The following DIS3 variants were observed in gnomAD, a reference collection of about 807,000 sequenced individuals.
The protein encoded by DIS3 is DIS3 exosome endoribonuclease and 3'-5' exoribonuclease.
Under a neutral mutation model 113.0 loss-of-function variants are expected in DIS3, and 103 were observed. The ratio of observed to expected loss-of-function variants is 0.91; its 90% CI spans 0.78 to 1.07. DIS3 has a LOEUF of 1.07. DIS3 is among the 50% of genes least tolerant of loss of function. The pLI is 0.00. For synonymous variants in DIS3, 402 were observed against 394.3 expected (o/e 1.02, Z -0.23); for missense variants, 1,121 against 1,167.1 (o/e 0.96, Z 0.58).
rs2033552068 is a variant in DIS3, at chr13:72,758,610, A to G, written c.*1185T>C. On this transcript the variant is annotated 3_prime_UTR_variant, in exon 21 of 21. Coordinates refer to ENST00000377767, the MANE Select transcript of DIS3 (RefSeq NM_014953.5). ...CCTGGACCAAAGACTACTCAAGTCTATTTTCCTCCAACTGACACAAGTTTC... is the reference window on the plus strand; with the variant it reads ...CCTGGACCAAAGACTACTCAAGTCTGTTTTCCTCCAACTGACACAAGTTTC... 1 of 219,850 alleles carries G rather than the reference A, an allele frequency of 4.5e-6. No homozygotes were observed. Among genetic ancestry groups the G allele is most frequent in the Non-Finnish European group, 9.1e-6 (1 of 109,546 alleles). 13.6% of individuals were successfully genotyped at this position (219,850 alleles called of 1,614,324 possible).
At chr13:72,763,661 A>C in intron 15 of DIS3, 54 bp from the exon 16 acceptor site, 2 of 1,519,610 alleles carry the variant, frequency 1.3e-6, no homozygotes, top group Non-Finnish European at 1.8e-6. Context: ...AGACTTCTAT[A>C]TATCATATTT....
intron 4 of DIS3, among the ~76,000 whole-genome samples, chr13:72,777,135 T>C (rs1378741023): frequency 3.3e-5 from 5 of 152,198 alleles, no homozygotes. Flanking sequence ...TACTCTTTAT[T>C]CACAAATCAG....
chr13:72,776,090 A>G lies in DIS3; in HGVS notation c.657T>C (p.Asn219=), dbSNP rs370081794. The G allele has an allele frequency of 6.9e-6, 11 of 1,590,988 alleles. No homozygotes were observed. Among genetic ancestry groups the G allele is most frequent in the Non-Finnish European group, 8.5e-7 (1 of 1,173,652 alleles). The change falls in exon 5 of 21, where the codon AAT becomes AAC. Residue 219 remains asparagine (N), a splice_region_variant and synonymous_variant. Transcript: ENST00000377767. ...ATATTATTTTTCCACTTTCTATTTC[A>G]TTCTATGAAAGAAGCAAACCAAAAG... ...DRLACLSEEG[N]EIESGKIIFS...
In DIS3 at chr13:72,758,553, C is replaced by T. The variant is rs764843291; in HGVS notation, c.*1242G>A. 3 of 217,582 alleles carry T rather than the reference C, an allele frequency of 1.4e-5. No homozygotes were observed. The highest frequency in any genetic ancestry group is 2.8e-5 in the Non-Finnish European group (3 of 108,150). The allele number at this position is 217,582 out of a possible 1,614,324, so 13.5% of individuals were successfully genotyped here. A position where few individuals can be genotyped will look rare whatever the true frequency, so the allele number is the denominator to read the frequency against. On this transcript the variant is annotated 3_prime_UTR_variant, in exon 21 of 21. Coordinates refer to ENST00000377767, the MANE Select transcript of DIS3 (RefSeq NM_014953.5). Reference sequence around the variant, plus strand: ...CACAGAAAAGGTTTTTTGACTCCTACTCTACTGTTTCAGTGTCACTGACCC... The same window carrying T: ...CACAGAAAAGGTTTTTTGACTCCTATTCTACTGTTTCAGTGTCACTGACCC...
chr13:72,757,800 T>C lies in DIS3; in HGVS notation c.*1995A>G, dbSNP rs188773355. The stretch of plus-strand genomic sequence containing the variant: ...AATGTTTTGTGACACATCAAAATTA[T>C]AATGATGTGCTGCATAACTTTTGGT... On this transcript the variant is annotated 3_prime_UTR_variant, in exon 21 of 21. Coordinates refer to ENST00000377767, the MANE Select transcript of DIS3 (RefSeq NM_014953.5). 4.5e-4 allele frequency: 94 copies of C among 206,808 alleles called. 1 individual carries two copies. In the East Asian group the frequency reaches 6.8e-3, roughly 15 times the overall value. The allele number at this position is 206,808 out of a possible 1,614,324, so 12.8% of individuals were successfully genotyped here.
At position 72,759,664 on chromosome 13, in the gene DIS3, G is replaced by C. The variant is rs2033577058; in HGVS notation, c.*131C>G. 3.0e-6 allele frequency: 2 copies of C among 661,428 alleles called. No individual in the cohort carries two copies. The highest frequency in any genetic ancestry group is 5.9e-5 in the Admixed American group (2 of 33,842). 41.0% of individuals were successfully genotyped at this position (661,428 alleles called of 1,614,324 possible). A position where few individuals can be genotyped will look rare whatever the true frequency, so the allele number is the denominator to read the frequency against. ...ATACAGTCAACTGTTCAATAAAAAT[G>C]CAGATGTCTGAAATTATTAAAATGT... is the stretch of plus-strand genomic sequence containing the variant. On this transcript the variant is annotated 3_prime_UTR_variant, in exon 21 of 21. Transcript: ENST00000377767.
At position 72,754,679 on chromosome 13, in the gene DIS3, A is replaced by G. The variant is rs2033395820; in HGVS notation, c.*5116T>C. 6.6e-6 allele frequency: 1 copy of G among 152,296 alleles called. No homozygotes were observed. Among genetic ancestry groups the G allele is most frequent in the African/African-American group, 2.4e-5 (1 of 41,368 alleles). The allele number at this position is 152,296 out of a possible 1,614,324, so 9.4% of individuals were successfully genotyped here. On this transcript the variant is annotated 3_prime_UTR_variant, in exon 21 of 21. Transcript: ENST00000377767. ...TTTCAGGATGCAGTTGTCTATCTAA[A>G]CATAAGTAGAGATAAATGAAGGATT... is the stretch of plus-strand genomic sequence containing the variant.
At position 72,762,089 on chromosome 13, in the gene DIS3, C is replaced by A; in HGVS notation, c.2176G>T (p.Asp726Tyr). The change falls in exon 17 of 21, where the codon GAT becomes TAT. Residue 726 changes from aspartate (D) to tyrosine (Y), a missense_variant. Asp to Tyr is a radical substitution (Grantham distance 160, BLOSUM62 -3). Transcript: ENST00000377767. ...DTAKSLAESL[D>Y]QAESPTFPYL... ...GGAAAAGTAGGAGATTCGGCCTGAT[C>A]CAAAGACTCAGCCAAAGACTTGGCT... 2 of 1,614,012 alleles carry A rather than the reference C, an allele frequency of 1.2e-6. No homozygotes were observed. Among genetic ancestry groups the A allele is most frequent in the Non-Finnish European group, 1.7e-6 (2 of 1,180,008 alleles).
rs2138138648 is a variant in DIS3 at position 72,757,859 on chromosome 13, A to G, written c.*1936T>C. On this transcript the variant is annotated 3_prime_UTR_variant, in exon 21 of 21. Transcript: ENST00000377767. The stretch of plus-strand genomic sequence containing the variant: ...GCCAAATATACGATGATGATCCCGT[A>G]AGATTACAATGGAGCTGAAAAATTC... 1 of 208,504 alleles carries G rather than the reference A, an allele frequency of 4.8e-6. No homozygotes were observed. The highest frequency in any genetic ancestry group is 7.1e-5 in the East Asian group (1 of 14,008). The allele number at this position is 208,504 out of a possible 1,614,324, so 12.9% of individuals were successfully genotyped here.
At position 72,762,091 on chromosome 13, in the gene DIS3, A is replaced by G. The variant is rs1384159704; in HGVS notation, c.2174T>C (p.Leu725Ser). ...TDTAKSLAES[L>S]DQAESPTFPY... ...AAAAGTAGGAGATTCGGCCTGATCC[A>G]AAGACTCAGCCAAAGACTTGGCTGT... Residue 725 changes from leucine (L) to serine (S), a missense_variant, in exon 17 of 21, where the codon TTG becomes TCG. This residue lies in a region of DIS3 where 861 missense variants were observed against 915.5 expected (regional missense o/e 0.94). Transcript: ENST00000377767. The G allele has an allele frequency of 6.2e-7, 1 of 1,614,072 alleles. No individual in the cohort carries two copies. The highest frequency in any genetic ancestry group is 1.1e-5 in the South Asian group (1 of 91,084).
Position 72,759,470 on chromosome 13 carries a change from TA to T in DIS3, c.*324del, listed in dbSNP as rs2033572129. The stretch of plus-strand genomic sequence containing the variant: ...ACAAATATTAAATAATCAAAGTACT[TA>T]CGCAAAATTAATCTGCTCCTCAATG... On this transcript the variant is annotated 3_prime_UTR_variant, in exon 21 of 21. Coordinates refer to ENST00000377767, the MANE Select transcript of DIS3 (RefSeq NM_014953.5). 2 of 242,850 alleles carry T rather than the reference TA, an allele frequency of 8.2e-6. No individual in the cohort carries two copies. Among genetic ancestry groups the T allele is most frequent in the South Asian group, 3.3e-4 (2 of 6,000 alleles). The allele number at this position is 242,850 out of a possible 1,614,324, so 15.0% of individuals were successfully genotyped here.
intron 16 of DIS3, among the ~76,000 whole-genome samples, chr13:72,762,657 A>G (rs1167043906): frequency 6.6e-6 from 1 of 152,230 alleles, no homozygotes; most frequent in Non-Finnish European, 1.5e-5. Flanking sequence ...TGTAGGCCAT[A>G]GTCACCCAAG....
intron 20 of DIS3, among the ~76,000 whole-genome samples, chr13:72,760,255 T>C (rs939921910): frequency 6.6e-6 from 1 of 152,132 alleles, no homozygotes; most frequent in African/African-American, 2.4e-5. Flanking sequence ...ATCTTCAAAA[T>C]GCAGAGTTCA....
At chr13:72,772,041 G>T in intron 10 of DIS3, 118 bp downstream of exon 10, 1 of 1,186,662 alleles carries the variant, frequency 8.4e-7, no homozygotes, top group Non-Finnish European at 1.2e-6. Context: ...GGCCAATAGC[G>T]TGCAGCTACA....
intron 13 of DIS3, among the ~76,000 whole-genome samples, chr13:72,770,599 A>G (rs2033861948): frequency 6.6e-6 from 1 of 152,180 alleles, no homozygotes; most frequent in Non-Finnish European, 1.5e-5. Flanking sequence ...GAGAGTAGGT[A>G]GCAAAAGGGC....
intron 14 of DIS3, among the ~76,000 whole-genome samples, 178 bp downstream of exon 14, chr13:72,768,607 G>A (rs542490173): frequency 9.2e-5 from 14 of 152,292 alleles, no homozygotes; most frequent in African/African-American, 3.4e-4. Context: ...TTGTGCCATT[G>A]CACTCCAGCG....
Position 72,760,577 on chromosome 13 carries a change from T to C in DIS3, c.2745A>G (p.Ser915=). 6.2e-7 allele frequency: 1 copy of C among 1,613,644 alleles called. No individual in the cohort carries two copies. Among genetic ancestry groups the C allele is most frequent in the Non-Finnish European group, 8.5e-7 (1 of 1,179,666 alleles). ...GGATCTTCTGATGTTGAAGATTAGA[T>C]GAGTCTAACATGATTTTCACTTTAA... ...DKVKVKIMLD[S]SNLQHQKIRM... is the part of the protein sequence containing the mutation. Residue 915 remains serine, a synonymous_variant, in exon 20 of 21, where the codon TCA becomes TCG. Transcript: ENST00000377767.
At chr13:72,776,627 G>T (rs749656300) in intron 4 of DIS3, among the ~76,000 whole-genome samples, 1 of 152,122 alleles carries the variant, frequency 6.6e-6, no homozygotes, top group Admixed American at 6.5e-5. Flanking sequence ...CAGGCACTAG[G>T]ATGAAAATTG....
intron 8 of DIS3, among the ~76,000 whole-genome samples, chr13:72,773,342 G>A (rs1566247890): frequency 6.6e-6 from 1 of 152,016 alleles, no homozygotes; most frequent in Non-Finnish European, 1.5e-5. Context: ...CACGCCTGTA[G>A]TCCCAGCTAA....
Sources: gnomAD v4.1 joint callset for allele counts (sites outside exome capture counted in the v4.1 genomes callset) on GRCh38, gnomAD v4.1.1 for gene constraint, gnomAD v4.1.1 regional missense constraint, MANE v1.5 for transcripts, NCBI Gene and HGNC (gene_info 2026-07-23, HGNC 2026-07-21) for gene names.